ZFHX3: variants seen among roughly 807,000 people sequenced by gnomAD.
The protein encoded by ZFHX3 is zinc finger homeobox protein 3.
A neutral mutation model predicts 279.1 loss-of-function variants in ZFHX3; 42 were observed. The observed-to-expected ratio is 0.15, with a 90% CI of 0.12 to 0.19. The LOEUF is 0.19. Among genes scored for constraint, ZFHX3 ranks in the 10% least tolerant of loss-of-function variants. The pLI is 1.00. For synonymous variants in ZFHX3, 2,293 were observed against 1,957.8 expected, an observed-to-expected ratio of 1.17 and a Z score of -4.52; for missense variants, 4,981 against 4,754.0, an observed-to-expected ratio of 1.05 and a Z score of -1.40.
intron 4 of ZFHX3, among the ~76,000 whole-genome samples, chr16:73,297,656 A>G (rs111924921): frequency 1.3e-5 from 2 of 152,078 alleles, no homozygotes; most frequent in South Asian, 4.1e-4. Flanking sequence ...CTCATTTTAA[A>G]AGAGAAACAA....
intron 1 of ZFHX3, among the ~76,000 whole-genome samples, chr16:73,023,547 G>T (rs577985957): frequency 6.6e-6 from 1 of 152,168 alleles, no homozygotes; most frequent in Admixed American, 6.5e-5. Context: ...CAATGCCCCC[G>T]GCTCCCTCCC....
chr16:73,513,896 A>G (rs1263727371), intron 2 of ZFHX3, among the ~76,000 whole-genome samples: 1 of 152,116 alleles, frequency 6.6e-6, no homozygotes, highest in South Asian at 2.1e-4. Context: ...CTTCTTGGCT[A>G]TGCCAGATGA....
chr16:73,387,597 T>G (rs2016927130), intron 3 of ZFHX3, among the ~76,000 whole-genome samples: 1 of 152,120 alleles, frequency 6.6e-6, no homozygotes, highest in South Asian at 2.1e-4. Flanking sequence ...TAGCCTCTTT[T>G]CAATAATCTT....
intron 2 of ZFHX3, among the ~76,000 whole-genome samples, chr16:73,510,279 TA>T (rs2019406497): frequency 6.6e-6 from 1 of 152,188 alleles, no homozygotes; most frequent in Admixed American, 6.5e-5. Flanking sequence ...TTTGCCTCAC[TA>T]GAATTTTACA....
chr16:73,594,716 G>A (rs901626145), intron 2 of ZFHX3, among the ~76,000 whole-genome samples: 7 of 152,292 alleles, frequency 4.6e-5, no homozygotes, highest in Non-Finnish European at 1.0e-4. Context: ...ACCACTGGCC[G>A]CCCACAAGCC....
intron 1 of ZFHX3, among the ~76,000 whole-genome samples, chr16:73,707,069 C>G (rs1244460834): frequency 6.6e-6 from 1 of 152,204 alleles, no homozygotes; most frequent in African/African-American, 2.4e-5. Context: ...TACTTTATTA[C>G]ATAACTCACT....
intron 4 of ZFHX3, among the ~76,000 whole-genome samples, chr16:72,859,597 AT>A (rs2037833197): frequency 6.6e-6 from 1 of 152,218 alleles, no homozygotes; most frequent in Non-Finnish European, 1.5e-5. Flanking sequence ...GATTTGAAAT[AT>A]AGCTTTAACT....
chr16:73,478,303 A>G (rs988416912), intron 2 of ZFHX3, among the ~76,000 whole-genome samples: 1 of 148,946 alleles, frequency 6.7e-6, no homozygotes, highest in Non-Finnish European at 1.5e-5. Context: ...TTAGGTACTA[A>G]AAGCCATATG....
intron 3 of ZFHX3, among the ~76,000 whole-genome samples, chr16:73,451,323 G>T (rs547946384): frequency 6.6e-6 from 1 of 152,156 alleles, no homozygotes; most frequent in African/African-American, 2.4e-5. Flanking sequence ...ACTAAGAATC[G>T]AGAGCCCCTA....
intron 1 of ZFHX3, among the ~76,000 whole-genome samples, chr16:72,990,387 C>T (rs893039753): frequency 6.6e-6 from 1 of 152,214 alleles, no homozygotes; most frequent in African/African-American, 2.4e-5. Flanking sequence ...CGTTATCAGT[C>T]TCACACATCG....
chr16:73,485,753 C>T (rs1024313954), intron 2 of ZFHX3, among the ~76,000 whole-genome samples: 1 of 152,184 alleles, frequency 6.6e-6, no homozygotes, highest in African/African-American at 2.4e-5. Context: ...CACAGGTCTG[C>T]ACACATCCCT....
chr16:73,300,984 G>T (rs1344868099), intron 4 of ZFHX3, among the ~76,000 whole-genome samples: 1 of 152,226 alleles, frequency 6.6e-6, no homozygotes, highest in Non-Finnish European at 1.5e-5. Flanking sequence ...CAGATGGGTG[G>T]ACCCTCCTCC....
chr16:73,601,739 T>C (rs974005249), intron 2 of ZFHX3, among the ~76,000 whole-genome samples: 1 of 152,196 alleles, frequency 6.6e-6, no homozygotes, highest in South Asian at 2.1e-4. Flanking sequence ...CTTTTTTCAA[T>C]GTGAACTTTA....
chr16:73,139,016 C>T (rs1267350665), intron 6 of ZFHX3, among the ~76,000 whole-genome samples: 1 of 152,160 alleles, frequency 6.6e-6, no homozygotes, highest in Non-Finnish European at 1.5e-5. Context: ...TATTCTCTCA[C>T]TGCACCATGT....
chr16:73,836,231 G>T (rs1961141649), intron 1 of ZFHX3, among the ~76,000 whole-genome samples: 1 of 152,140 alleles, frequency 6.6e-6, no homozygotes, highest in Non-Finnish European at 1.5e-5. Flanking sequence ...AACTGCTGAA[G>T]AACAGTCATC....
chr16:72,797,392 C>A lies in ZFHX3; in HGVS notation c.5290G>T (p.Ala1764Ser), dbSNP rs2035945874. 6.2e-7 allele frequency: 1 copy of A among 1,608,184 alleles called. No homozygotes were observed. The highest frequency in any genetic ancestry group is 8.5e-7 in the Non-Finnish European group (1 of 1,177,566). ...AACAGCTGAGACTGGATCAGGGCAG[C>A]CTGTTGCTGCAGCTCCTGCTGCAGG... ...AHLQQELQQQAALIQSQLFNP... is the reference protein window; with the variant it reads ...AHLQQELQQQSALIQSQLFNP... The change falls in exon 9 of 10, where the codon GCT (alanine) becomes TCT (serine). Residue 1764 changes from alanine (A) to serine (S), a missense_variant. By Grantham distance (99) the Ala-to-Ser change is moderately conservative. Coordinates refer to ENST00000268489, the MANE Select transcript of ZFHX3 (RefSeq NM_006885.4).
chr16:73,440,335 A>G (rs1353614936), intron 3 of ZFHX3, among the ~76,000 whole-genome samples: 1 of 152,226 alleles, frequency 6.6e-6, no homozygotes, highest in Non-Finnish European at 1.5e-5. Context: ...GAGGCATTTG[A>G]GTCCATGGGT....
At chr16:73,476,442 G>T (rs2018767094) in intron 2 of ZFHX3, among the ~76,000 whole-genome samples, 1 of 152,114 alleles carries the variant, frequency 6.6e-6, no homozygotes, top group Non-Finnish European at 1.5e-5. Flanking sequence ...TTGATGGCAA[G>T]CAGCAAAAAG....
intron 4 of ZFHX3, among the ~76,000 whole-genome samples, chr16:73,308,677 A>C (rs2143156933): frequency 6.6e-6 from 1 of 152,276 alleles, no homozygotes; most frequent in East Asian, 1.9e-4. Context: ...AAGTAGTGTT[A>C]CAATGGAACA....
Sources: allele counts gnomAD v4.1 joint callset (sites outside exome capture counted in the v4.1 genomes callset), GRCh38; gene constraint gnomAD v4.1.1; transcripts MANE v1.5; gene names NCBI Gene and HGNC (gene_info 2026-07-23, HGNC 2026-07-21).